The following SECISBP2 variants were observed in gnomAD, a reference collection of about 807,000 sequenced individuals.
SECISBP2 encodes selenocysteine insertion sequence-binding protein 2.
In SECISBP2, 96 loss-of-function variants were observed where a neutral mutation model predicts 98.2. The observed-to-expected ratio is 0.98, with a 90% CI of 0.83 to 1.16. SECISBP2 has a LOEUF of 1.16. Ranked by LOEUF, SECISBP2 falls within the 50% of genes most tolerant of loss-of-function variation. The pLI is 0.00. For missense variants in SECISBP2, 1,046 were observed against 1,022.9 expected (o/e 1.02, Z -0.31); for synonymous variants, 407 against 370.2 (o/e 1.10, Z -1.14).
In SECISBP2 at chr9:89,350,746, T is replaced by A; in HGVS notation, c.2007T>A (p.Thr669=). The part of the protein sequence containing the change: ...MYQKDPVKAK[T]KRRLVLGLRE... The stretch of plus-strand genomic sequence containing the variant: ...AGAAAGATCCAGTCAAGGCCAAGAC[T>A]AAACGTCGACTTGTGTTGGGGTTGA... Residue 669 remains threonine, a synonymous_variant, in exon 14 of 17, where the codon ACT becomes ACA. Coordinates refer to ENST00000375807, the MANE Select transcript of SECISBP2 (RefSeq NM_024077.5). The A allele has an allele frequency of 6.2e-7, 1 of 1,614,258 alleles. No individual in the cohort carries two copies. The highest frequency in any genetic ancestry group is 1.1e-5 in the South Asian group (1 of 91,084).
At chr9:89,340,082 C>G (rs1829430006) in intron 9 of SECISBP2, 129 bp downstream of exon 9, 2 of 684,688 alleles carry the variant, frequency 2.9e-6, no homozygotes, top group Non-Finnish European at 5.3e-6. Context: ...TTCATTCCTT[C>G]ATGAGAGAAC....
At chr9:89,355,138 C>T (rs926873287) in intron 14 of SECISBP2, 11 of 985,090 alleles carry the variant, frequency 1.1e-5, no homozygotes, top group Non-Finnish European at 1.3e-5. Context: ...CCAGTTTCCA[C>T]AGTATGGTAG....
downstream of SECISBP2, chr9:89,363,834 C>T: frequency 6.2e-7 from 1 of 1,614,182 alleles, no homozygotes; most frequent in Non-Finnish European, 8.5e-7. Flanking sequence ...CTGATGGCGT[C>T]CTGCAGCCAG....
chr9:89,335,946 C>T (rs71510295), intron 7 of SECISBP2, among the ~76,000 whole-genome samples: 7,557 of 152,064 alleles, frequency 0.05, 247 homozygotes, highest in Non-Finnish European at 0.076. Context: ...TACAAGAGTA[C>T]TAGTAGCAAA....
intron 5 of SECISBP2, among the ~76,000 whole-genome samples, chr9:89,331,500 T>C (rs1827745330): frequency 6.6e-6 from 1 of 152,246 alleles, no homozygotes; most frequent in African/African-American, 2.4e-5. Flanking sequence ...ATCTACTTAA[T>C]GGATTCAACT....
chr9:89,355,779 T>C (rs1831972074), intron 14 of SECISBP2, among the ~76,000 whole-genome samples: 1 of 152,222 alleles, frequency 6.6e-6, no homozygotes, highest in Non-Finnish European at 1.5e-5. Context: ...TATTGTGGTC[T>C]AAGATGGACA....
At chr9:89,339,616 T>G (rs1829342331) in intron 8 of SECISBP2, among the ~76,000 whole-genome samples, 1 of 152,212 alleles carries the variant, frequency 6.6e-6, no homozygotes, top group Non-Finnish European at 1.5e-5. Context: ...GTCAGTTCTT[T>G]AGATCCCTCG....
In SECISBP2 at chr9:89,334,264, A is replaced by G. The variant is rs1828254204; in HGVS notation, c.881-258A>G. The G allele has an allele frequency of 4.5e-6, 5 of 1,100,566 alleles. No homozygotes were observed. The East Asian group carries it at 1.4e-4, about 30-fold the overall frequency. 68.2% of individuals were successfully genotyped at this position (1,100,566 alleles called of 1,614,324 possible). ...AACTAAAACTACTGTTTGTCTACCC[A>G]CCTCCAACCCCCAGGTTAAAAAACC... On this transcript the variant is annotated intron_variant, in intron 6 of 16. Coordinates refer to ENST00000375807, the MANE Select transcript of SECISBP2 (RefSeq NM_024077.5).
chr9:89,358,052 G>T lies in SECISBP2; in HGVS notation c.2322G>T (p.Lys774Asn). 1.2e-6 allele frequency: 2 copies of T among 1,613,746 alleles called. No individual in the cohort carries two copies. Among genetic ancestry groups the T allele is most frequent in the Non-Finnish European group, 1.7e-6 (2 of 1,180,012 alleles). The change falls in exon 16 of 17, where the codon AAG becomes AAT. Residue 774 changes from lysine (K) to asparagine (N), a missense_variant. Lys to Asn is a moderately conservative substitution (Grantham distance 94, BLOSUM62 0). Transcript: ENST00000375807. ...CAGTGGCGGCCCGACAGGCGTACAA[G>T]ACCATGCTGGAGAATGTGCAGCAGG... Reference protein sequence around the residue: ...ELTVAARQAYKTMLENVQQEL... With the variant: ...ELTVAARQAYNTMLENVQQEL...
intron 5 of SECISBP2, chr9:89,330,564 G>C (rs920544450): frequency 9.9e-5 from 15 of 152,272 alleles, no homozygotes; most frequent in Admixed American, 4.6e-4. Flanking sequence ...ACAGTTGCTG[G>C]TAATGTGCAG....
At chr9:89,355,549 A>G (rs1189072113) in intron 14 of SECISBP2, 9 of 983,176 alleles carry the variant, frequency 9.2e-6, no homozygotes, top group Non-Finnish European at 1.1e-5. Flanking sequence ...CCCTTTGGGT[A>G]AGAGTTCCAA....
rs1368472831 is a variant in SECISBP2, at chr9:89,350,123, T to C, written c.1892+194T>C. Among the ~76,000 whole-genome samples, 7 of 152,228 alleles carry C rather than the reference T, an allele frequency of 4.6e-5. No individual in the cohort carries two copies. In the East Asian group the frequency reaches 1.3e-3, roughly 29 times the overall value. ...TCGTTGTGTCTGATTCTGCTTCTAC[T>C]GAGGTTCTTGTATTAATGATGGAAG... On this transcript the variant is annotated intron_variant, in intron 13 of 16. Transcript: ENST00000375807.
downstream of SECISBP2, chr9:89,363,837 G>A: frequency 6.2e-7 from 1 of 1,614,128 alleles, no homozygotes; most frequent in Non-Finnish European, 8.5e-7. Flanking sequence ...ATGGCGTCCT[G>A]CAGCCAGCTG....
chr9:89,344,090 C>T (rs537241092), intron 10 of SECISBP2, among the ~76,000 whole-genome samples: 15 of 152,146 alleles, frequency 9.9e-5, no homozygotes, highest in Non-Finnish European at 1.8e-4. Context: ...AGGTTTTTCT[C>T]GTATGCTTGT....
chr9:89,330,314 G>A (rs1195680800), intron 5 of SECISBP2: 3 of 152,148 alleles, frequency 2.0e-5, no homozygotes, highest in Admixed American at 6.5e-5. Context: ...TCTCTCAAAT[G>A]GATTGATTTG....
chr9:89,320,554 G>A (rs964471369), intron 2 of SECISBP2, among the ~76,000 whole-genome samples: 2 of 152,070 alleles, frequency 1.3e-5, no homozygotes, highest in Non-Finnish European at 2.9e-5. Context: ...AACCATAGCT[G>A]CCTCTGTGTG....
intron 2 of SECISBP2, chr9:89,324,511 T>C (rs948743089): frequency 2.6e-5 from 4 of 152,236 alleles, no homozygotes; most frequent in African/African-American, 4.8e-5. Flanking sequence ...CCCTTTCTTA[T>C]TCAGTGTAGT....
At position 89,328,811 on chromosome 9, in the gene SECISBP2, G is replaced by A; in HGVS notation, c.726G>A (p.Trp242Ter). Residue 242 changes from tryptophan (W) to a stop codon, truncating the protein, a stop_gained, in exon 5 of 17, where the codon TGG (tryptophan) becomes TGA (stop). Transcript: ENST00000375807. LOFTEE classifies it high-confidence loss of function. ...CAGAGATACAGAAGCAACCCAAGTG[G>A]GGACCTGTCCACTCTGTCTCTACCG... The part of the protein sequence containing the change: ...NMSEIQKQPK[W>*]GPVHSVSTDI... 3 of 1,614,198 alleles carry A rather than the reference G, an allele frequency of 1.9e-6. No individual in the cohort carries two copies. Among genetic ancestry groups the A allele is most frequent in the Non-Finnish European group, 2.5e-6 (3 of 1,180,022 alleles).
At chr9:89,352,885 G>A (rs1160301950) in intron 14 of SECISBP2, among the ~76,000 whole-genome samples, 5 of 151,220 alleles carry the variant, frequency 3.3e-5, no homozygotes, top group Non-Finnish European at 7.4e-5. Context: ...GTTGCCTCTT[G>A]GAGAATTTTA....
Sources: allele counts gnomAD v4.1 joint callset (sites outside exome capture counted in the v4.1 genomes callset), GRCh38; gene constraint gnomAD v4.1.1; transcripts MANE v1.5; gene names NCBI Gene and HGNC (gene_info 2026-07-23, HGNC 2026-07-21).